CAMK1D: variants seen among roughly 807,000 people sequenced by gnomAD.
CAMK1D encodes calcium/calmodulin-dependent protein kinase type 1D.
Under a neutral mutation model 47.7 loss-of-function variants are expected in CAMK1D, and 9 were observed. That is an observed-to-expected ratio of 0.19 (90% CI 0.11 to 0.33). The LOEUF is 0.33. CAMK1D is among the 10% of genes least tolerant of loss of function. The probability of loss-of-function intolerance (pLI) is 1.00; values close to 1 mark genes in which losing one functional copy is unlikely to be tolerated. For synonymous variants in CAMK1D, 184 were observed against 184.9 expected, an observed-to-expected ratio of 0.99 and a Z score of 0.04; for missense variants, 291 against 488.7, an observed-to-expected ratio of 0.60 and a Z score of 3.81.
chr10:12,596,970 A>T (rs1838164384), intron 2 of CAMK1D, among the ~76,000 whole-genome samples: 1 of 152,128 alleles, frequency 6.6e-6, no homozygotes, highest in Non-Finnish European at 1.5e-5. Flanking sequence ...GTGAAACAGG[A>T]TACTCAAGGT....
intron 2 of CAMK1D, among the ~76,000 whole-genome samples, chr10:12,629,660 T>C (rs1839321014): frequency 6.6e-6 from 1 of 152,236 alleles, no homozygotes; most frequent in South Asian, 2.1e-4. Context: ...CTCCCAGAAG[T>C]GTGCCAAACT....
At chr10:12,723,933 C>T (rs1461664653) in intron 3 of CAMK1D, among the ~76,000 whole-genome samples, 2 of 152,126 alleles carry the variant, frequency 1.3e-5, no homozygotes, top group African/African-American at 2.4e-5. Flanking sequence ...CAACAGGCCC[C>T]GGTGTGTGAT....
rs2131897893 is a variant in CAMK1D, at chr10:12,394,364, C to T, written c.92+44454C>T. 1.3e-5 allele frequency among the ~76,000 whole-genome samples: 2 copies of T among 152,274 alleles called. 1 individual carries two copies. Among genetic ancestry groups the T allele is most frequent in the South Asian group, 4.1e-4 (2 of 4,828 alleles). ...GAGATTCCATGATTGATGTAAATCA[C>T]TGGTCATTGGTGACTGACTCAACCT... On this transcript the variant is annotated intron_variant, in intron 1 of 10. Transcript: ENST00000619168.
intron 3 of CAMK1D, among the ~76,000 whole-genome samples, chr10:12,732,791 G>A (rs1834955876): frequency 6.6e-6 from 1 of 151,778 alleles, no homozygotes; most frequent in Admixed American, 6.6e-5. Context: ...ACAATGAGGG[G>A]CAATGGTACT....
At chr10:12,439,471 C>A (rs1832723121) in intron 1 of CAMK1D, among the ~76,000 whole-genome samples, 1 of 152,098 alleles carries the variant, frequency 6.6e-6, no homozygotes, top group Non-Finnish European at 1.5e-5. Flanking sequence ...TTATTGTTTG[C>A]CTGCGTTTTA....
chr10:12,427,708 T>TTTTTTTTTTTTTTTTTTG lies in CAMK1D; in HGVS notation c.92+77799_92+77816dup, dbSNP rs1840293546. Among the ~76,000 whole-genome samples, 3 of 106,372 alleles carry TTTTTTTTTTTTTTTTTTG rather than the reference T, an allele frequency of 2.8e-5. 1 individual carries two copies. The highest frequency in any genetic ancestry group is 5.9e-5 in the Non-Finnish European group (3 of 50,886). The allele number at this position is 106,372 out of a possible 152,430, so 69.8% of individuals were successfully genotyped here. On this transcript the variant is annotated intron_variant, in intron 1 of 10. Transcript: ENST00000619168. ...GCTTCACTGAACTTACTGTTTTTTT[T>TTTTTTTTTTTTTTTTTTG]TTTTTTTTTTTTTTTTTGAGACGGA...
intron 1 of CAMK1D, among the ~76,000 whole-genome samples, chr10:12,350,705 T>C (rs1236462717): frequency 1.3e-5 from 2 of 152,008 alleles, no homozygotes; most frequent in African/African-American, 4.8e-5. Context: ...TGCCCAGGAG[T>C]TGGGTCTTGT....
intron 2 of CAMK1D, 76 bp from the exon 3 acceptor site, chr10:12,666,659 GC>G: frequency 8.8e-7 from 1 of 1,140,972 alleles, no homozygotes; most frequent in Non-Finnish European, 1.3e-6. Context: ...GTAACTTTTT[GC>G]TACAATGCTG....
intron 1 of CAMK1D, among the ~76,000 whole-genome samples, chr10:12,373,154 C>G (rs1042473458): frequency 3.9e-5 from 6 of 151,914 alleles, no homozygotes; most frequent in African/African-American, 1.2e-4. Flanking sequence ...GGTACTGTGT[C>G]CATGCCTAAT....
At chr10:12,426,525 G>A (rs189572260) in intron 1 of CAMK1D, among the ~76,000 whole-genome samples, 151 of 151,320 alleles carry the variant, frequency 1.0e-3, no homozygotes, top group African/African-American at 3.2e-3. Flanking sequence ...GATTACAGGC[G>A]TGAGCCACCA....
chr10:12,653,971 T>A (rs1379727200), intron 2 of CAMK1D, among the ~76,000 whole-genome samples: 1 of 152,190 alleles, frequency 6.6e-6, no homozygotes, highest in Non-Finnish European at 1.5e-5. Context: ...GACCCTTCCA[T>A]GTGGGTATCA....
chr10:12,621,813 G>A (rs962583303), intron 2 of CAMK1D, among the ~76,000 whole-genome samples: 6 of 151,940 alleles, frequency 3.9e-5, no homozygotes, highest in Non-Finnish European at 8.8e-5. Flanking sequence ...GTGTGTGTGT[G>A]TATGTGTGTG....
intron 5 of CAMK1D, among the ~76,000 whole-genome samples, chr10:12,787,132 A>G (rs991137778): frequency 4.6e-5 from 7 of 150,900 alleles, no homozygotes; most frequent in African/African-American, 1.5e-4. Context: ...CAAAGAAAAA[A>G]AAGAAGAAGA....
At chr10:12,478,666 T>C (rs1833973445) in intron 1 of CAMK1D, among the ~76,000 whole-genome samples, 1 of 152,096 alleles carries the variant, frequency 6.6e-6, no homozygotes, top group African/African-American at 2.4e-5. Context: ...TCAGAGTTGG[T>C]GGGGATCTCT....
intron 1 of CAMK1D, among the ~76,000 whole-genome samples, chr10:12,408,848 C>CTTTTTTTTTTT (rs113921067): frequency 9.8e-5 from 12 of 121,846 alleles, no homozygotes; most frequent in Non-Finnish European, 1.5e-4. Context: ...TTCTTTCTTT[C>CTTTTTTTTTTT]TTTTTTTTTT....
At chr10:12,676,446 A>G (rs1280423957) in intron 3 of CAMK1D, among the ~76,000 whole-genome samples, 1 of 152,242 alleles carries the variant, frequency 6.6e-6, no homozygotes, top group Non-Finnish European at 1.5e-5. Context: ...ACTTGTCACC[A>G]TCAGAAAAGT....
intron 2 of CAMK1D, among the ~76,000 whole-genome samples, chr10:12,624,591 G>A (rs1350663329): frequency 6.6e-6 from 1 of 152,116 alleles, no homozygotes; most frequent in Non-Finnish European, 1.5e-5. Context: ...CTCTTGTAAG[G>A]GTAAATAGTA....
chr10:12,476,659 T>A (rs1462741404), intron 1 of CAMK1D, among the ~76,000 whole-genome samples: 2 of 152,226 alleles, frequency 1.3e-5, no homozygotes, highest in African/African-American at 4.8e-5. Flanking sequence ...GTTCCTGGTT[T>A]GTTTCGAAGG....
At chr10:12,608,842 T>C (rs1293217661) in intron 2 of CAMK1D, among the ~76,000 whole-genome samples, 1 of 152,256 alleles carries the variant, frequency 6.6e-6, no homozygotes, top group East Asian at 1.9e-4. Context: ...GCATTCATGT[T>C]GGTCTGTGTA....
Sources: gnomAD v4.1 joint callset for allele counts (sites outside exome capture counted in the v4.1 genomes callset) on GRCh38, gnomAD v4.1.1 for gene constraint, MANE v1.5 for transcripts, NCBI Gene and HGNC (gene_info 2026-07-23, HGNC 2026-07-21) for gene names.